ATF1: variants seen among roughly 807,000 people sequenced by gnomAD.
The protein encoded by ATF1 is cyclic AMP-dependent transcription factor ATF-1.
Under a neutral mutation model 34.7 loss-of-function variants are expected in ATF1, and 16 were observed. The observed-to-expected ratio is 0.46, with a 90% CI of 0.31 to 0.70. The LOEUF is 0.70. Among genes scored for constraint, ATF1 ranks in the 30% least tolerant of loss-of-function variants. The pLI is 0.05. For missense variants in ATF1, 255 were observed against 321.6 expected, an observed-to-expected ratio of 0.79 and a Z score of 1.58; for synonymous variants, 105 against 113.1, an observed-to-expected ratio of 0.93 and a Z score of 0.46.
intron 1 of ATF1, among the ~76,000 whole-genome samples, chr12:50,773,119 A>G (rs1000058315): frequency 2.0e-5 from 3 of 152,188 alleles, no homozygotes; most frequent in Non-Finnish European, 4.4e-5. Flanking sequence ...TTATGGCTGC[A>G]TAGTATTCCA....
chr12:50,787,498 C>T (rs375546726), intron 2 of ATF1, among the ~76,000 whole-genome samples: 11 of 151,822 alleles, frequency 7.2e-5, no homozygotes, highest in East Asian at 1.9e-4. Context: ...TTTAGGAGGC[C>T]GAGGCAGACA....
chr12:50,766,775 T>A (rs758950525), intron 1 of ATF1, among the ~76,000 whole-genome samples: 12 of 152,068 alleles, frequency 7.9e-5, no homozygotes, highest in Non-Finnish European at 1.6e-4. Context: ...GTCTTTTCTC[T>A]GGCCTCCCTA....
intron 2 of ATF1, among the ~76,000 whole-genome samples, chr12:50,789,326 C>T (rs1257079020): frequency 6.6e-6 from 1 of 152,116 alleles, no homozygotes; most frequent in African/African-American, 2.4e-5. Context: ...ACCTCGGCCT[C>T]CCAAAGTGAT....
At chr12:50,799,558 A>G (rs1158938070) in intron 3 of ATF1, among the ~76,000 whole-genome samples, 1 of 152,186 alleles carries the variant, frequency 6.6e-6, no homozygotes, top group Non-Finnish European at 1.5e-5. Flanking sequence ...AGATGATACA[A>G]ATGTTGGAAT....
rs1940943189 is a variant in ATF1, at chr12:50,777,066, C to G, written c.-6-3074C>G. ...ATGGGGTTTCACTGTGATGGCCAGA[C>G]TGATCTCGAACTCCTGACCTCAGAT... On this transcript the variant is annotated intron_variant, in intron 1 of 6. Transcript: ENST00000262053. Among the ~76,000 whole-genome samples the G allele has an allele frequency of 2.6e-5, 4 of 152,254 alleles. No individual in the cohort carries two copies. In the South Asian group the frequency reaches 6.2e-4, roughly 24 times the overall value.
chr12:50,789,677 C>T (rs370427848), intron 2 of ATF1, among the ~76,000 whole-genome samples: 5 of 152,158 alleles, frequency 3.3e-5, no homozygotes, highest in East Asian at 1.9e-4. Flanking sequence ...ATCGCTTGAA[C>T]GCAGGAGGCA....
intron 6 of ATF1, among the ~76,000 whole-genome samples, chr12:50,816,492 T>C (rs1293691297): frequency 6.6e-6 from 1 of 152,126 alleles, no homozygotes; most frequent in Non-Finnish European, 1.5e-5. Flanking sequence ...CTATTAATAC[T>C]CAGGTGATGG....
intron 2 of ATF1, among the ~76,000 whole-genome samples, chr12:50,787,048 C>G (rs1474252702): frequency 1.3e-5 from 2 of 152,304 alleles, no homozygotes; most frequent in Admixed American, 1.3e-4. Context: ...CAACAAAATC[C>G]AAACCCAGCT....
chr12:50,799,580 G>T (rs1017503844), intron 3 of ATF1, among the ~76,000 whole-genome samples: 5 of 151,994 alleles, frequency 3.3e-5, no homozygotes, highest in African/African-American at 9.7e-5. Context: ...ATATGACAAG[G>T]ACTTTAAAGA....
In ATF1 at chr12:50,778,224, C is replaced by CTTT. The variant is rs71086479; in HGVS notation, c.-6-1898_-6-1896dup. Reference sequence around the variant, plus strand: ...AGCCACCACACCTGGCCATATTAACCTTTTTTTTTTTTTTTTTTTTGAGAC... The same window carrying CTTT: ...AGCCACCACACCTGGCCATATTAACCTTTTTTTTTTTTTTTTTTTTTTTGAGAC... On this transcript the variant is annotated intron_variant, in intron 1 of 6. Transcript: ENST00000262053. 1.8e-3 allele frequency among the ~76,000 whole-genome samples: 174 copies of CTTT among 96,392 alleles called. 7 individuals are homozygous for CTTT. Among genetic ancestry groups the CTTT allele is most frequent in the African/African-American group, 5.1e-3 (125 of 24,312 alleles). The allele number at this position is 96,392 out of a possible 152,430, so 63.2% of individuals were successfully genotyped here. A position where few individuals can be genotyped will look rare whatever the true frequency, so the allele number is the denominator to read the frequency against.
intron 3 of ATF1, among the ~76,000 whole-genome samples, chr12:50,805,183 A>C (rs955082351): frequency 6.6e-6 from 1 of 152,074 alleles, no homozygotes; most frequent in Non-Finnish European, 1.5e-5. Flanking sequence ...TCTGGGTCAT[A>C]ACAAATCTTA....
chr12:50,813,686 C>T (rs1181773087), intron 4 of ATF1, among the ~76,000 whole-genome samples: 3 of 151,942 alleles, frequency 2.0e-5, no homozygotes, highest in Admixed American at 1.3e-4. Flanking sequence ...TGGTGGCGCA[C>T]ACCTGTAATC....
Position 50,819,773 on chromosome 12 carries a change from T to G in ATF1, c.810T>G (p.Ser270Arg). The change falls in exon 7 of 7, where the codon AGT becomes AGG. Residue 270 changes from serine to arginine, a missense_variant. This residue lies in a region of ATF1 where 34 missense variants were observed against 70.8 expected (regional missense o/e 0.48). Coordinates refer to ENST00000262053, the MANE Select transcript of ATF1 (RefSeq NM_005171.5). ...TGAAGGATCTTTATTCCAATAAAAGTGTTTGATTCCTAAGAAAGAAAATAT... is the reference window on the plus strand; with the variant it reads ...TGAAGGATCTTTATTCCAATAAAAGGGTTTGATTCCTAAGAAAGAAAATAT... ...KTLKDLYSNK[S>R]V 6.5e-7 allele frequency: 1 copy of G among 1,531,540 alleles called. No homozygotes were observed. Among genetic ancestry groups the G allele is most frequent in the South Asian group, 1.2e-5 (1 of 82,270 alleles). 94.9% of individuals were successfully genotyped at this position (1,531,540 alleles called of 1,614,324 possible).
In ATF1 at chr12:50,813,950, C is replaced by T. The variant is rs17124979; in HGVS notation, c.329-60C>T. 7,331 of 1,498,544 alleles carry T rather than the reference C, an allele frequency of 4.9e-3. 313 individuals are homozygous for T. In the African/African-American group the frequency reaches 0.092, roughly 19 times the overall value. The allele number at this position is 1,498,544 out of a possible 1,614,324, so 92.8% of individuals were successfully genotyped here. The stretch of plus-strand genomic sequence containing the variant: ...AATAGTGTTTGTGGGCTTTTTGCCA[C>T]TCCTTTGAATTAGTGTATTATATAA... On this transcript the variant is annotated intron_variant, in intron 4 of 6. Transcript: ENST00000262053.
At chr12:50,796,221 C>T (rs1205601529) in intron 3 of ATF1, among the ~76,000 whole-genome samples, 2 of 151,746 alleles carry the variant, frequency 1.3e-5, no homozygotes, top group Non-Finnish European at 2.9e-5. Context: ...ATGGCAAGAC[C>T]CTGTCTCTTC....
In ATF1 at chr12:50,808,572, C is replaced by T. The variant is rs191877196; in HGVS notation, c.195-884C>T. On this transcript the variant is annotated intron_variant, in intron 3 of 6. Transcript: ENST00000262053. The stretch of plus-strand genomic sequence containing the variant: ...TCCAAACTCCTGACCTCAAGTCATT[C>T]GCCCACCTCAGCCTCCCAAAGTGTT... Among the ~76,000 whole-genome samples, 697 of 151,962 alleles carry T rather than the reference C, an allele frequency of 4.6e-3. 2 individuals are homozygous for T. The highest frequency in any genetic ancestry group is 0.017 in the South Asian group (84 of 4,810).
At position 50,819,790 on chromosome 12, in the gene ATF1, A is replaced by G; in HGVS notation, c.*11A>G. On this transcript the variant is annotated 3_prime_UTR_variant, in exon 7 of 7. Coordinates refer to ENST00000262053, the MANE Select transcript of ATF1 (RefSeq NM_005171.5). ...AATAAAAGTGTTTGATTCCTAAGAA[A>G]GAAAATATTTTTGTGGACATGCATA... is the stretch of plus-strand genomic sequence containing the variant. 6.6e-7 allele frequency: 1 copy of G among 1,505,560 alleles called. No individual in the cohort carries two copies. Among genetic ancestry groups the G allele is most frequent in the Non-Finnish European group, 9.0e-7 (1 of 1,108,930 alleles). 93.3% of individuals were successfully genotyped at this position (1,505,560 alleles called of 1,614,324 possible). A position where few individuals can be genotyped will look rare whatever the true frequency, so the allele number is the denominator to read the frequency against.
intron 4 of ATF1, among the ~76,000 whole-genome samples, chr12:50,813,074 A>G (rs2139694346): frequency 6.6e-6 from 1 of 152,324 alleles, no homozygotes; most frequent in East Asian, 1.9e-4. Context: ...TGAAGAGTAT[A>G]TGGGAATTGA....
intron 2 of ATF1, among the ~76,000 whole-genome samples, chr12:50,789,928 G>A (rs753644337): frequency 1.8e-4 from 27 of 152,164 alleles, no homozygotes; most frequent in Non-Finnish European, 2.8e-4. Flanking sequence ...AGTAATAAGG[G>A]ATAGGGACTA....
Sources: gnomAD v4.1 joint callset for allele counts (sites outside exome capture counted in the v4.1 genomes callset) on GRCh38, gnomAD v4.1.1 for gene constraint, gnomAD v4.1.1 regional missense constraint, MANE v1.5 for transcripts, NCBI Gene and HGNC (gene_info 2026-07-23, HGNC 2026-07-21) for gene names.